IRGM: variants seen among roughly 807,000 people sequenced by gnomAD.
The protein encoded by IRGM is immunity-related GTPase family M protein.
For synonymous variants in IRGM, 98 were observed against 80.6 expected (o/e 1.22, Z -1.16); for missense variants, 288 against 219.9 (o/e 1.31, Z -1.96).
chr5:150,867,558 T>C (rs1754224971), intron 1 of IRGM, among the ~76,000 whole-genome samples: 1 of 152,214 alleles, frequency 6.6e-6, no homozygotes, highest in Non-Finnish European at 1.5e-5. Flanking sequence ...ATATCCATAC[T>C]GTTTTCCATA....
In IRGM at chr5:150,890,139, G is replaced by T. The variant is rs898207038; in HGVS notation, c.*141-10450G>T. Among the ~76,000 whole-genome samples the T allele has an allele frequency of 5.3e-5, 8 of 151,966 alleles. No homozygotes were observed. In the East Asian group the frequency reaches 1.3e-3, roughly 26 times the overall value. ...GGTTTGAGACAGTTCACCAGTGAAGGTCTATGATCCTGAATTTGATAAGGT... is the reference window on the plus strand; with the variant it reads ...GGTTTGAGACAGTTCACCAGTGAAGTTCTATGATCCTGAATTTGATAAGGT... On this transcript the variant is annotated intron_variant and NMD_transcript_variant, in intron 3 of 3. Coordinates refer to the IRGM transcript ENST00000520549.
At chr5:150,863,463 T>C (rs1208142101) in intron 1 of IRGM, among the ~76,000 whole-genome samples, 1 of 152,170 alleles carries the variant, frequency 6.6e-6, no homozygotes, top group Non-Finnish European at 1.5e-5. Context: ...CATAACAATA[T>C]GGGATAAAAT....
chr5:150,869,912 T>C (rs965224292), intron 1 of IRGM, among the ~76,000 whole-genome samples: 1 of 152,086 alleles, frequency 6.6e-6, no homozygotes, highest in African/African-American at 2.4e-5. Context: ...GCTCTCAATA[T>C]GGTGAAGATA....
intron 1 of IRGM, among the ~76,000 whole-genome samples, chr5:150,860,434 C>T (rs939302319): frequency 3.9e-5 from 6 of 152,176 alleles, no homozygotes; most frequent in African/African-American, 1.4e-4. Context: ...CAACAGTGTT[C>T]AAAACTGGAC....
chr5:150,848,167 T>C lies in IRGM; in HGVS notation c.44T>C (p.Leu15Ser). ...NVEKASADGN[L>S]PEVISNIKET... is the part of the protein sequence containing the mutation. ...GAGAAAGCCTCAGCAGATGGGAACT[T>C]GCCAGAGGTGATCTCTAACATCAAG... The change falls in exon 2 of 2, where the codon TTG becomes TCG. Residue 15 changes from leucine to serine, a missense_variant. Physicochemically the swap from Leu to Ser is moderately radical, Grantham distance 145 (BLOSUM62 -2). Transcript: ENST00000522154. 6.4e-7 allele frequency: 1 copy of C among 1,551,534 alleles called. No homozygotes were observed. Among genetic ancestry groups the C allele is most frequent in the African/African-American group, 1.4e-5 (1 of 73,154 alleles).
At chr5:150,883,491 G>T (rs1217951449) in intron 3 of IRGM, among the ~76,000 whole-genome samples, 1 of 151,170 alleles carries the variant, frequency 6.6e-6, no homozygotes, top group Non-Finnish European at 1.5e-5. Flanking sequence ...TAAACAAATT[G>T]ACAAACCCTT....
chr5:150,887,959 A>G (rs1281844546), intron 3 of IRGM, among the ~76,000 whole-genome samples: 1 of 152,014 alleles, frequency 6.6e-6, no homozygotes, highest in East Asian at 1.9e-4. Flanking sequence ...AATAACCTTG[A>G]ATGTAAATGG....
At chr5:150,868,915 C>T (rs1008278228) in intron 1 of IRGM, among the ~76,000 whole-genome samples, 16 of 152,042 alleles carry the variant, frequency 1.1e-4, no homozygotes, top group African/African-American at 3.6e-4. Context: ...TCTGGGTATA[C>T]AATTCACCAG....
chr5:150,847,495 G>C (rs573566474), intron 1 of IRGM: 1 of 152,586 alleles, frequency 6.6e-6, no homozygotes, highest in Non-Finnish European at 1.5e-5. Flanking sequence ...TTTGGAGGCT[G>C]ACTCGGAGGC....
At chr5:150,851,086 A>G (rs144645407), downstream of IRGM, among the ~76,000 whole-genome samples, 143 of 152,352 alleles carry the variant, frequency 9.4e-4, 1 homozygote, top group African/African-American at 3.3e-3. Context: ...AGAAGGATAG[A>G]TCAAATTTCA....
At chr5:150,887,109 G>A (rs1298682440) in intron 3 of IRGM, among the ~76,000 whole-genome samples, 1 of 151,932 alleles carries the variant, frequency 6.6e-6, no homozygotes, top group Admixed American at 6.6e-5. Context: ...TGAAATGACA[G>A]AAATGCAATT....
At position 150,854,925 on chromosome 5, in the gene IRGM, GA is replaced by G. The variant is rs1448262953; in HGVS notation, c.158+6272del. Among the ~76,000 whole-genome samples the G allele has an allele frequency of 3.0e-4, 45 of 152,228 alleles. No individual in the cohort carries two copies. In the Middle Eastern group the frequency reaches 0.014, roughly 46 times the overall value. On this transcript the variant is annotated intron_variant and NMD_transcript_variant, in intron 1 of 3. Transcript: ENST00000520549. ...CTCAAAGTCCCATAATGTTTTAAAT[GA>G]GTAAAAACACAATAATTTTGAATAT...
Position 150,847,736 on chromosome 5 carries a change from GAGTGTCCCA to G in IRGM, c.-383_-375del. On this transcript the variant is annotated 5_prime_UTR_variant, in exon 2 of 2. Transcript: ENST00000522154. ...TACTCCAGTGCCCACAGATACGACA[GAGTGTCCCA>G]AGTGCCCCTCACACTCTATTAGCTG... 5.1e-6 allele frequency: 1 copy of G among 194,486 alleles called. No homozygotes were observed. The highest frequency in any genetic ancestry group is 1.1e-5 in the Non-Finnish European group (1 of 93,464). The allele number at this position is 194,486 out of a possible 1,614,324, so 12.0% of individuals were successfully genotyped here. A position where few individuals can be genotyped will look rare whatever the true frequency, so the allele number is the denominator to read the frequency against.
At chr5:150,873,445 A>T (rs960799421) in intron 1 of IRGM, among the ~76,000 whole-genome samples, 1 of 152,174 alleles carries the variant, frequency 6.6e-6, no homozygotes, top group Non-Finnish European at 1.5e-5. Context: ...TCCTTCCCCA[A>T]GGAGACCTCT....
intron 3 of IRGM, among the ~76,000 whole-genome samples, chr5:150,887,603 A>T (rs1000749277): frequency 1.3e-5 from 2 of 151,550 alleles, no homozygotes; most frequent in African/African-American, 4.8e-5. Context: ...GCAAGATTCT[A>T]CAGAAGAAGA....
At chr5:150,854,161 T>C (rs1172209664) in intron 1 of IRGM, among the ~76,000 whole-genome samples, 1 of 152,118 alleles carries the variant, frequency 6.6e-6, no homozygotes, top group African/African-American at 2.4e-5. Flanking sequence ...TTTGAATTAA[T>C]ACCAACTTGA....
chr5:150,896,322 A>C, intron 3 of IRGM: 1 of 1,613,670 alleles, frequency 6.2e-7, no homozygotes. Flanking sequence ...CTTCTCACTG[A>C]AGGCTTTTCC....
intron 1 of IRGM, among the ~76,000 whole-genome samples, chr5:150,860,652 C>T (rs2113263825): frequency 6.6e-6 from 1 of 152,340 alleles, no homozygotes; most frequent in South Asian, 2.1e-4. Context: ...ACTGGCCAGC[C>T]TTCCACCCAG....
At chr5:150,857,087 C>A (rs1754068700) in intron 1 of IRGM, among the ~76,000 whole-genome samples, 2 of 152,062 alleles carry the variant, frequency 1.3e-5, no homozygotes, top group South Asian at 2.1e-4. Flanking sequence ...CCTCCTCCCC[C>A]AACCCCACAA....
Sources: allele counts gnomAD v4.1 joint callset (sites outside exome capture counted in the v4.1 genomes callset), GRCh38; gene constraint gnomAD v4.1.1; transcripts MANE v1.5; gene names NCBI Gene and HGNC (gene_info 2026-07-23, HGNC 2026-07-21).